GRM3: variants seen among roughly 807,000 people sequenced by gnomAD.
The protein encoded by GRM3 is metabotropic glutamate receptor 3.
Under a neutral mutation model 70.5 loss-of-function variants are expected in GRM3, and 26 were observed. The ratio of observed to expected loss-of-function variants is 0.37; its 90% confidence interval spans 0.27 to 0.51. The LOEUF (loss-of-function observed/expected upper bound fraction) is 0.51, where lower values mean the gene tolerates loss of function less well. Among genes scored for constraint, GRM3 ranks in the 20% least tolerant of loss-of-function variants. The probability of loss-of-function intolerance (pLI) is 0.93; values close to 1 mark genes in which losing one functional copy is unlikely to be tolerated. For missense variants in GRM3, 859 were observed against 1,123.8 expected (o/e 0.76, Z 3.37); for synonymous variants, 443 against 434.9 (o/e 1.02, Z -0.23).
intron 1 of GRM3, among the ~76,000 whole-genome samples, chr7:86,666,569 T>C (rs1794032338): frequency 6.6e-6 from 1 of 152,088 alleles, no homozygotes; most frequent in Admixed American, 6.6e-5. Flanking sequence ...TAAAGCCAGA[T>C]GTTTTTTGTT....
intron 1 of GRM3, among the ~76,000 whole-genome samples, chr7:86,671,615 G>A (rs1376312308): frequency 1.3e-5 from 2 of 152,158 alleles, no homozygotes; most frequent in South Asian, 2.1e-4. Context: ...CTTAGGATGT[G>A]TCAACATTGG....
intron 1 of GRM3, among the ~76,000 whole-genome samples, chr7:86,730,903 G>A (rs1424218308): frequency 6.6e-6 from 1 of 152,086 alleles, no homozygotes; most frequent in Non-Finnish European, 1.5e-5. Flanking sequence ...ATTTAATAGG[G>A]TCAGCTATCA....
At chr7:86,801,003 T>C (rs964973648) in intron 3 of GRM3, among the ~76,000 whole-genome samples, 2 of 151,700 alleles carry the variant, frequency 1.3e-5, no homozygotes, top group Admixed American at 6.6e-5. Context: ...TCTACCCCTA[T>C]AGTAAACAAG....
chr7:86,761,551 T>C (rs1465069615), intron 1 of GRM3, among the ~76,000 whole-genome samples: 2 of 152,082 alleles, frequency 1.3e-5, no homozygotes, highest in Non-Finnish European at 2.9e-5. Context: ...TCCCATACCA[T>C]AAATAAAATA....
At chr7:86,830,489 T>C (rs10253313) in intron 3 of GRM3, among the ~76,000 whole-genome samples, 7,930 of 152,250 alleles carry the variant, frequency 0.052, 645 homozygotes, top group African/African-American at 0.17. Context: ...TTTATATAAG[T>C]TAAAAATTGA....
intron 1 of GRM3, among the ~76,000 whole-genome samples, chr7:86,659,035 C>T (rs553362557): frequency 1.2e-4 from 18 of 152,204 alleles, no homozygotes; most frequent in African/African-American, 3.9e-4. Flanking sequence ...ACCATAAAAA[C>T]GGAGTTGAGT....
intron 1 of GRM3, among the ~76,000 whole-genome samples, chr7:86,648,496 T>C (rs539350496): frequency 2.6e-5 from 4 of 152,292 alleles, no homozygotes; most frequent in East Asian, 1.9e-4. Flanking sequence ...AGGAATGTAA[T>C]AGTGTATATA....
intron 3 of GRM3, among the ~76,000 whole-genome samples, chr7:86,822,739 C>CT (rs1180961931): frequency 6.6e-6 from 1 of 152,016 alleles, no homozygotes; most frequent in Non-Finnish European, 1.5e-5. Flanking sequence ...TGTTAGATAT[C>CT]TTTTTTAAAA....
chr7:86,665,943 G>A (rs558347599), intron 1 of GRM3, among the ~76,000 whole-genome samples: 6 of 152,000 alleles, frequency 3.9e-5, no homozygotes, highest in South Asian at 4.1e-4. Flanking sequence ...CAATAATGTG[G>A]GCTGTTAGAC....
chr7:86,858,944 G>A (rs528884093), intron 5 of GRM3, among the ~76,000 whole-genome samples: 1 of 152,182 alleles, frequency 6.6e-6, no homozygotes, highest in African/African-American at 2.4e-5. Flanking sequence ...AGCAGTCACT[G>A]AGAATTCAGT....
At chr7:86,857,936 T>G (rs1006082023) in intron 5 of GRM3, among the ~76,000 whole-genome samples, 1 of 140,744 alleles carries the variant, frequency 7.1e-6, no homozygotes, top group Admixed American at 7.1e-5. Flanking sequence ...TTATTTTATT[T>G]TATTTTATTT....
intron 3 of GRM3, among the ~76,000 whole-genome samples, chr7:86,801,069 T>TTTC (rs1193361223): frequency 3.2e-4 from 45 of 141,656 alleles, no homozygotes; most frequent in African/African-American, 1.2e-3. Flanking sequence ...TTCTTCTTTT[T>TTTC]TTTTTTTTTT....
chr7:86,855,757 T>C (rs1170032999), intron 5 of GRM3, among the ~76,000 whole-genome samples: 1 of 152,172 alleles, frequency 6.6e-6, no homozygotes, highest in Non-Finnish European at 1.5e-5. Context: ...GACTCTGGCC[T>C]AGTTAGCAAG....
rs1165134643 is a variant in GRM3, at chr7:86,838,821, TCAC to T, written c.1325-17_1325-15del. The T allele has an allele frequency of 6.8e-7, 1 of 1,463,460 alleles. No homozygotes were observed. Among genetic ancestry groups the T allele is most frequent in the African/African-American group, 1.4e-5 (1 of 71,580 alleles). 90.7% of individuals were successfully genotyped at this position (1,463,460 alleles called of 1,614,324 possible). A position where few individuals can be genotyped will look rare whatever the true frequency, so the allele number is the denominator to read the frequency against. On this transcript the variant is annotated splice_polypyrimidine_tract_variant and intron_variant, in intron 3 of 5. Coordinates refer to ENST00000361669, the MANE Select transcript of GRM3 (RefSeq NM_000840.3). ...CTAAACAAGTGTTCTTTTTTTTCTTTCACTTTACATATCACAGCTCCATTCAAC... is the reference window on the plus strand; with the variant it reads ...CTAAACAAGTGTTCTTTTTTTTCTTTTTTACATATCACAGCTCCATTCAAC...
chr7:86,745,246 C>T (rs1796076061), intron 1 of GRM3, among the ~76,000 whole-genome samples: 1 of 152,102 alleles, frequency 6.6e-6, no homozygotes, highest in Non-Finnish European at 1.5e-5. Context: ...CCAGAAACCC[C>T]TGAGGGCAGT....
chr7:86,739,965 A>G (rs1318915799), intron 1 of GRM3, among the ~76,000 whole-genome samples: 1 of 152,222 alleles, frequency 6.6e-6, no homozygotes, highest in African/African-American at 2.4e-5. Context: ...AGGATTAAAG[A>G]AAACAGTGCT....
chr7:86,709,238 C>G (rs1046949511), intron 1 of GRM3, among the ~76,000 whole-genome samples: 3 of 151,962 alleles, frequency 2.0e-5, no homozygotes, highest in Non-Finnish European at 4.4e-5. Context: ...AATTCTCTGT[C>G]TTCCTTAAGG....
intron 1 of GRM3, among the ~76,000 whole-genome samples, chr7:86,702,439 T>A (rs1055575530): frequency 1.3e-5 from 2 of 151,968 alleles, no homozygotes; most frequent in African/African-American, 2.4e-5. Context: ...CCAGCTCTAT[T>A]TAAAATCACA....
intron 2 of GRM3, among the ~76,000 whole-genome samples, chr7:86,771,919 AC>A (rs1399390722): frequency 6.6e-6 from 1 of 152,116 alleles, no homozygotes; most frequent in Non-Finnish European, 1.5e-5. Context: ...ATGAGGGAAC[AC>A]AGTGTTTCAT....
Sources: gnomAD v4.1 joint callset for allele counts (sites outside exome capture counted in the v4.1 genomes callset) on GRCh38, gnomAD v4.1.1 for gene constraint, MANE v1.5 for transcripts, NCBI Gene and HGNC (gene_info 2026-07-23, HGNC 2026-07-21) for gene names.